Variants in KCND2 observed in about 807,000 individuals in gnomAD.
The protein encoded by KCND2 is potassium voltage-gated channel subfamily D member 2.
Under a neutral mutation model 54.4 loss-of-function variants are expected in KCND2, and 16 were observed. That is an observed-to-expected ratio of 0.29 (90% CI 0.20 to 0.45). KCND2 has a LOEUF of 0.45. Among genes scored for constraint, KCND2 ranks in the 20% least tolerant of loss-of-function variants. KCND2 has a pLI of 1.00. For missense variants in KCND2, 486 were observed against 824.2 expected, an observed-to-expected ratio of 0.59 and a Z score of 5.02; for synonymous variants, 317 against 310.7, an observed-to-expected ratio of 1.02 and a Z score of -0.21.
chr7:120,588,702 T>C (rs1792632420), intron 1 of KCND2, among the ~76,000 whole-genome samples: 2 of 151,926 alleles, frequency 1.3e-5, no homozygotes, highest in Admixed American at 1.3e-4. Context: ...CCAATTACAA[T>C]GAAAACTCTA....
chr7:120,749,306 A>G lies in KCND2; in HGVS notation c.*1448A>G, dbSNP rs1410225109. On this transcript the variant is annotated 3_prime_UTR_variant, in exon 6 of 6. Transcript: ENST00000331113. ...TGCAAGGTACAATTTTCTCCAATAAATCAGGAGAACAGGAGTTTGATGATG... is the reference window on the plus strand; with the variant it reads ...TGCAAGGTACAATTTTCTCCAATAAGTCAGGAGAACAGGAGTTTGATGATG... 1 of 152,144 alleles carries G rather than the reference A, an allele frequency of 6.6e-6. No individual in the cohort carries two copies. The highest frequency in any genetic ancestry group is 1.5e-5 in the Non-Finnish European group (1 of 67,854). The allele number at this position is 152,144 out of a possible 1,614,324, so 9.4% of individuals were successfully genotyped here.
intron 1 of KCND2, among the ~76,000 whole-genome samples, chr7:120,458,664 A>G (rs905548357): frequency 2.0e-5 from 3 of 152,190 alleles, no homozygotes; most frequent in Admixed American, 2.0e-4. Flanking sequence ...AATACATGCC[A>G]GAATTATTTG....
chr7:120,587,946 G>C (rs1483837622), intron 1 of KCND2, among the ~76,000 whole-genome samples: 1 of 152,140 alleles, frequency 6.6e-6, no homozygotes, highest in Admixed American at 6.6e-5. Flanking sequence ...TAGAATCCTG[G>C]GGTCTTTTGC....
In KCND2 at chr7:120,485,118, G is replaced by A. The variant is rs532389552; in HGVS notation, c.1115+209371G>A. ...GCCCAGGCTGGTCTCCAACTCCTGG[G>A]CTCAAGTGATCCTCCAGCCTCAGTC... On this transcript the variant is annotated intron_variant, in intron 1 of 5. Transcript: ENST00000331113. Among the ~76,000 whole-genome samples the A allele has an allele frequency of 5.9e-5, 9 of 152,078 alleles. No individual in the cohort carries two copies. The South Asian group carries it at 1.9e-3, about 32-fold the overall frequency.
At chr7:120,367,193 G>A (rs1800698528) in intron 1 of KCND2, among the ~76,000 whole-genome samples, 1 of 152,088 alleles carries the variant, frequency 6.6e-6, no homozygotes, top group South Asian at 2.1e-4. Context: ...AAAGGAACTT[G>A]TTTAAGGACA....
chr7:120,650,111 G>A (rs539237014), intron 1 of KCND2, among the ~76,000 whole-genome samples: 2,506 of 150,036 alleles, frequency 0.017, 23 homozygotes, highest in African/African-American at 0.025. Flanking sequence ...TGCTCTTCTC[G>A]AGGAGTATCT....
intron 1 of KCND2, among the ~76,000 whole-genome samples, chr7:120,625,880 A>T (rs1793158024): frequency 6.6e-6 from 1 of 152,064 alleles, no homozygotes; most frequent in African/African-American, 2.4e-5. Flanking sequence ...TTGATAAAAA[A>T]TTTTGTCCTA....
At chr7:120,337,533 A>G (rs548671353) in intron 1 of KCND2, among the ~76,000 whole-genome samples, 5 of 152,270 alleles carry the variant, frequency 3.3e-5, no homozygotes, top group African/African-American at 1.2e-4. Context: ...TTTCACTTCT[A>G]TTTCTCCATT....
At chr7:120,605,132 G>T (rs1293882465) in intron 1 of KCND2, among the ~76,000 whole-genome samples, 1 of 152,122 alleles carries the variant, frequency 6.6e-6, no homozygotes, top group Non-Finnish European at 1.5e-5. Flanking sequence ...GGCAATGTTT[G>T]GAAACAGTTG....
chr7:120,288,937 A>AAT (rs1376136956), intron 1 of KCND2, among the ~76,000 whole-genome samples: 5 of 152,030 alleles, frequency 3.3e-5, no homozygotes, highest in African/African-American at 4.8e-5. Flanking sequence ...AAGTCAGATA[A>AAT]ATAGAGAAGA....
At chr7:120,393,577 C>T (rs1443047081) in intron 1 of KCND2, among the ~76,000 whole-genome samples, 1 of 151,844 alleles carries the variant, frequency 6.6e-6, no homozygotes, top group African/African-American at 2.4e-5. Context: ...CCTTGGTAAA[C>T]TATGATTTAT....
chr7:120,525,630 ATCTC>A (rs1383351750), intron 1 of KCND2, among the ~76,000 whole-genome samples: 4 of 152,144 alleles, frequency 2.6e-5, no homozygotes, highest in African/African-American at 9.7e-5. Context: ...TGACTCACAA[ATCTC>A]TCTATCCTTC....
At chr7:120,434,539 A>G (rs947862948) in intron 1 of KCND2, among the ~76,000 whole-genome samples, 1 of 152,088 alleles carries the variant, frequency 6.6e-6, no homozygotes, top group Non-Finnish European at 1.5e-5. Flanking sequence ...CTTTGTTGAT[A>G]TTTTCTTTCT....
chr7:120,463,378 A>AG (rs1355584924), intron 1 of KCND2, among the ~76,000 whole-genome samples: 1 of 139,110 alleles, frequency 7.2e-6, no homozygotes, highest in Non-Finnish European at 1.5e-5. Context: ...TTAGATGCAT[A>AG]GGTATATAAG....
intron 1 of KCND2, among the ~76,000 whole-genome samples, chr7:120,330,058 T>C (rs1437037401): frequency 6.6e-6 from 1 of 152,120 alleles, no homozygotes; most frequent in Admixed American, 6.6e-5. Context: ...AAAAGGTCTA[T>C]AGAGGATGTA....
intron 1 of KCND2, among the ~76,000 whole-genome samples, chr7:120,602,392 C>T (rs1316633086): frequency 6.6e-6 from 1 of 152,098 alleles, no homozygotes; most frequent in African/African-American, 2.4e-5. Flanking sequence ...CCACTCCAGT[C>T]ACACAGGCTT....
intron 1 of KCND2, among the ~76,000 whole-genome samples, chr7:120,371,374 G>A (rs1336265293): frequency 1.3e-5 from 2 of 152,060 alleles, no homozygotes; most frequent in African/African-American, 2.4e-5. Context: ...AAGGTGGCAA[G>A]TACTATAAAG....
intron 1 of KCND2, among the ~76,000 whole-genome samples, chr7:120,652,787 C>T (rs911828107): frequency 6.6e-6 from 1 of 152,116 alleles, no homozygotes; most frequent in African/African-American, 2.4e-5. Context: ...GCTCTTTCTG[C>T]TGGAGAGGGG....
chr7:120,296,810 C>T (rs557064362), intron 1 of KCND2, among the ~76,000 whole-genome samples: 9 of 152,100 alleles, frequency 5.9e-5, no homozygotes, highest in Admixed American at 2.6e-4. Flanking sequence ...ATTAAGATAT[C>T]AATTTAAAAA....
Sources: allele counts gnomAD v4.1 joint callset (sites outside exome capture counted in the v4.1 genomes callset), GRCh38; gene constraint gnomAD v4.1.1; transcripts MANE v1.5; gene names NCBI Gene and HGNC (gene_info 2026-07-23, HGNC 2026-07-21).